SERGEF: variants seen among roughly 807,000 people sequenced by gnomAD.
The protein encoded by SERGEF is secretion-regulating guanine nucleotide exchange factor.
SERGEF carries 51 observed loss-of-function variants against 50.0 expected under a neutral mutation model. The ratio of observed to expected loss-of-function variants is 1.02; its 90% CI spans 0.81 to 1.29. The LOEUF is 1.29. Ranked by LOEUF, SERGEF falls within the 50% of genes most tolerant of loss-of-function variation. The pLI is 0.00. For missense variants in SERGEF, 521 were observed against 557.0 expected (o/e 0.94, Z 0.65); for synonymous variants, 205 against 212.4 (o/e 0.97, Z 0.30).
At chr11:17,959,881 G>C (rs1263181680) in intron 8 of SERGEF, among the ~76,000 whole-genome samples, 1 of 152,198 alleles carries the variant, frequency 6.6e-6, no homozygotes, top group Non-Finnish European at 1.5e-5. Flanking sequence ...TTCAAGCAGA[G>C]ATTCATTCTA....
chr11:17,839,462 C>G (rs1406569690), intron 10 of SERGEF, among the ~76,000 whole-genome samples: 1 of 152,110 alleles, frequency 6.6e-6, no homozygotes, highest in Non-Finnish European at 1.5e-5. Flanking sequence ...AGAAACATGC[C>G]ACTCTCAGCA....
intron 10 of SERGEF, among the ~76,000 whole-genome samples, chr11:17,871,419 C>T (rs1851134655): frequency 6.8e-6 from 1 of 146,390 alleles, no homozygotes; most frequent in Non-Finnish European, 1.5e-5. Flanking sequence ...TGAGATTGTG[C>T]CACTGCACTC....
At chr11:17,810,488 C>T (rs1214544503) in intron 10 of SERGEF, among the ~76,000 whole-genome samples, 1 of 152,222 alleles carries the variant, frequency 6.6e-6, no homozygotes, top group African/African-American at 2.4e-5. Flanking sequence ...AGGGCATCTA[C>T]AGATCATTGG....
At chr11:17,969,926 A>G (rs1246450342) in intron 8 of SERGEF, among the ~76,000 whole-genome samples, 1 of 152,244 alleles carries the variant, frequency 6.6e-6, no homozygotes, top group Admixed American at 6.5e-5. Flanking sequence ...AGAACTTCTT[A>G]CCCAATCATT....
At chr11:17,957,742 A>G (rs879657806) in intron 9 of SERGEF, among the ~76,000 whole-genome samples, 5 of 151,924 alleles carry the variant, frequency 3.3e-5, no homozygotes, top group Non-Finnish European at 7.4e-5. Context: ...TGGTGGGAAA[A>G]AAAAAAAAAA....
At chr11:17,967,162 T>G (rs1409769956) in intron 8 of SERGEF, among the ~76,000 whole-genome samples, 2 of 152,158 alleles carry the variant, frequency 1.3e-5, no homozygotes, top group Non-Finnish European at 2.9e-5. Flanking sequence ...TATTAACGCA[T>G]AGAGAGAGGT....
chr11:17,917,947 T>C (rs1852079916), intron 9 of SERGEF, among the ~76,000 whole-genome samples: 1 of 152,236 alleles, frequency 6.6e-6, no homozygotes, highest in Non-Finnish European at 1.5e-5. Context: ...ATTATTTAAA[T>C]GGGGTTTATA....
chr11:18,002,010 C>G, intron 4 of SERGEF: 1 of 456,280 alleles, frequency 2.2e-6, no homozygotes. Context: ...GCAGGCTGAA[C>G]AGCAGAAAGG....
intron 10 of SERGEF, among the ~76,000 whole-genome samples, chr11:17,798,671 A>G (rs879494636): frequency 1.3e-5 from 2 of 152,174 alleles, no homozygotes; most frequent in African/African-American, 2.4e-5. Flanking sequence ...CTCCCTACAG[A>G]CTGTCTTTCT....
At chr11:17,872,304 ATATCTTGCTCTGGATGGT>A (rs1851155191) in intron 10 of SERGEF, among the ~76,000 whole-genome samples, 1 of 150,962 alleles carries the variant, frequency 6.6e-6, no homozygotes, top group East Asian at 1.9e-4. Context: ...TTTCTTTTCT[ATATCTTGCTCTGGATGGT>A]GTTTTCTTAA....
chr11:17,935,969 G>C (rs927085752), intron 9 of SERGEF, among the ~76,000 whole-genome samples: 2 of 152,124 alleles, frequency 1.3e-5, no homozygotes, highest in Non-Finnish European at 2.9e-5. Flanking sequence ...TACCCATTCA[G>C]TCTTTATGTG....
intron 8 of SERGEF, among the ~76,000 whole-genome samples, chr11:17,962,664 G>A (rs1237599671): frequency 1.3e-5 from 2 of 152,160 alleles, no homozygotes; most frequent in African/African-American, 4.8e-5. Context: ...TAACTACAGA[G>A]CCAAGAAGTA....
chr11:17,923,078 C>T (rs902578438), intron 9 of SERGEF, among the ~76,000 whole-genome samples: 1 of 152,210 alleles, frequency 6.6e-6, no homozygotes, highest in African/African-American at 2.4e-5. Flanking sequence ...CCTAGATATA[C>T]ATCAGTTTGC....
chr11:17,902,767 CTGA>C (rs1294800073), intron 9 of SERGEF, among the ~76,000 whole-genome samples: 1 of 152,168 alleles, frequency 6.6e-6, no homozygotes, highest in Non-Finnish European at 1.5e-5. Context: ...CAAGGATTAG[CTGA>C]ACAAGAAGCA....
intron 8 of SERGEF, among the ~76,000 whole-genome samples, chr11:17,987,631 GACC>G (rs1170141160): frequency 1.3e-5 from 2 of 152,144 alleles, no homozygotes; most frequent in Non-Finnish European, 2.9e-5. Context: ...TGTTTTAAAA[GACC>G]AATTAAAAGC....
intron 9 of SERGEF, among the ~76,000 whole-genome samples, chr11:17,949,598 T>C (rs1205451984): frequency 1.3e-5 from 2 of 152,070 alleles, no homozygotes; most frequent in Non-Finnish European, 2.9e-5. Flanking sequence ...GAGAGAGATC[T>C]AGCTGTCTGG....
At chr11:17,993,533 T>C (rs1430228019) in intron 6 of SERGEF, among the ~76,000 whole-genome samples, 1 of 152,236 alleles carries the variant, frequency 6.6e-6, no homozygotes, top group Non-Finnish European at 1.5e-5. Flanking sequence ...GATTCTGAAC[T>C]GGGCTTCTTT....
chr11:17,902,463 CAG>C (rs1302863805), intron 9 of SERGEF, among the ~76,000 whole-genome samples: 1 of 152,066 alleles, frequency 6.6e-6, no homozygotes, highest in Non-Finnish European at 1.5e-5. Flanking sequence ...GAAAAAATGG[CAG>C]AGTTGGTGAG....
intron 10 of SERGEF, among the ~76,000 whole-genome samples, chr11:17,846,363 G>A (rs1850611406): frequency 6.6e-6 from 1 of 152,166 alleles, no homozygotes. Flanking sequence ...CCAGGCCCAG[G>A]GAAATCAGGT....
Sources: allele counts gnomAD v4.1 joint callset (sites outside exome capture counted in the v4.1 genomes callset), GRCh38; gene constraint gnomAD v4.1.1; transcripts MANE v1.5; gene names NCBI Gene and HGNC (gene_info 2026-07-23, HGNC 2026-07-21).